Variants in STXBP5L observed in about 807,000 individuals in gnomAD.
STXBP5L encodes the protein syntaxin binding protein 5L, also known as syntaxin-binding protein 5-like.
In STXBP5L, 65 loss-of-function variants were observed where a neutral mutation model predicts 144.5. The ratio of observed to expected loss-of-function variants is 0.45; its 90% CI spans 0.37 to 0.55. The LOEUF is 0.55. STXBP5L is among the 20% of genes least tolerant of loss of function. STXBP5L has a pLI of 0.00. For synonymous variants in STXBP5L, 505 were observed against 469.6 expected (o/e 1.08, Z -0.97); for missense variants, 1,298 against 1,405.5 (o/e 0.92, Z 1.22).
intron 2 of STXBP5L, among the ~76,000 whole-genome samples, chr3:120,918,961 T>C (rs1709235473): frequency 6.6e-6 from 1 of 152,142 alleles, no homozygotes; most frequent in African/African-American, 2.4e-5. Flanking sequence ...TAGAGAACTT[T>C]TAAATGTTTT....
intron 20 of STXBP5L, among the ~76,000 whole-genome samples, chr3:121,338,401 T>A (rs2044580826): frequency 6.6e-6 from 1 of 151,796 alleles, no homozygotes; most frequent in Non-Finnish European, 1.5e-5. Flanking sequence ...CCCAGCACTT[T>A]GGGAGTCTGA....
chr3:121,211,439 C>T (rs2048561137), intron 10 of STXBP5L, among the ~76,000 whole-genome samples: 1 of 152,102 alleles, frequency 6.6e-6, no homozygotes, highest in South Asian at 2.1e-4. Context: ...TGCCTGATTG[C>T]CCTGGTCAGA....
intron 9 of STXBP5L, among the ~76,000 whole-genome samples, chr3:121,190,821 G>A (rs1181073681): frequency 6.6e-6 from 1 of 151,450 alleles, no homozygotes; most frequent in East Asian, 2.0e-4. Flanking sequence ...TCACTTCTCA[G>A]ACGGGGCGGC....
At chr3:121,309,927 G>A (rs951942140) in intron 19 of STXBP5L, among the ~76,000 whole-genome samples, 10 of 152,148 alleles carry the variant, frequency 6.6e-5, no homozygotes, top group African/African-American at 1.9e-4. Context: ...ATTTCAAGAT[G>A]TGCCTTAAAG....
chr3:121,175,821 C>A (rs2108080809), intron 9 of STXBP5L, among the ~76,000 whole-genome samples: 1 of 148,192 alleles, frequency 6.7e-6, no homozygotes, highest in Non-Finnish European at 1.5e-5. Context: ...CTACAGGAAA[C>A]AAACTTTAAA....
chr3:121,375,576 T>C (rs2046157571), intron 20 of STXBP5L, among the ~76,000 whole-genome samples: 2 of 152,306 alleles, frequency 1.3e-5, no homozygotes, highest in African/African-American at 4.8e-5. Context: ...AACACCTACA[T>C]TGCAGGATTG....
chr3:121,079,136 G>A (rs1227516504), intron 5 of STXBP5L, among the ~76,000 whole-genome samples: 2 of 152,234 alleles, frequency 1.3e-5, no homozygotes, highest in Admixed American at 1.3e-4. Context: ...CAAAAAAGGT[G>A]GAGGAAAGTT....
chr3:121,053,107 G>A (rs1948155896), intron 5 of STXBP5L, among the ~76,000 whole-genome samples: 1 of 152,094 alleles, frequency 6.6e-6, no homozygotes, highest in Non-Finnish European at 1.5e-5. Flanking sequence ...ACAAACAAAT[G>A]GAAGAACATT....
chr3:120,911,475 T>G (rs1708838651), intron 2 of STXBP5L, among the ~76,000 whole-genome samples: 1 of 152,122 alleles, frequency 6.6e-6, no homozygotes, highest in Non-Finnish European at 1.5e-5. Context: ...CCTTGAGCCT[T>G]GATTTCTGCA....
chr3:121,105,270 C>T (rs1438706741), intron 5 of STXBP5L, among the ~76,000 whole-genome samples: 6 of 151,982 alleles, frequency 3.9e-5, no homozygotes, highest in Non-Finnish European at 5.9e-5. Context: ...GTGGCGTGCT[C>T]CTGTAGTTCC....
At chr3:121,224,158 C>G (rs995288705) in intron 11 of STXBP5L, among the ~76,000 whole-genome samples, 20 of 152,066 alleles carry the variant, frequency 1.3e-4, no homozygotes, top group Admixed American at 1.0e-3. Context: ...TTGGGCAAGT[C>G]ACTTTACATT....
At chr3:121,348,664 C>T (rs549240479) in intron 20 of STXBP5L, among the ~76,000 whole-genome samples, 1 of 151,988 alleles carries the variant, frequency 6.6e-6, no homozygotes, top group Non-Finnish European at 1.5e-5. Context: ...AGAGATTCAA[C>T]TTCTTCCTGG....
intron 3 of STXBP5L, among the ~76,000 whole-genome samples, chr3:121,010,812 A>G (rs1230202126): frequency 6.6e-6 from 1 of 151,862 alleles, no homozygotes; most frequent in African/African-American, 2.4e-5. Flanking sequence ...TAGTGGAAGT[A>G]GATTGTCATA....
chr3:121,096,273 C>T (rs1426407332), intron 5 of STXBP5L, among the ~76,000 whole-genome samples: 1 of 152,176 alleles, frequency 6.6e-6, no homozygotes, highest in Non-Finnish European at 1.5e-5. Flanking sequence ...CTTCACGCTT[C>T]TTAGCTTGCT....
chr3:121,209,709 T>A (rs905221287), intron 10 of STXBP5L, among the ~76,000 whole-genome samples: 34 of 152,198 alleles, frequency 2.2e-4, no homozygotes, highest in African/African-American at 7.7e-4. Context: ...TGTGATAGTT[T>A]GCTGAGAATG....
intron 3 of STXBP5L, among the ~76,000 whole-genome samples, chr3:121,023,519 A>T (rs1046683705): frequency 2.8e-4 from 42 of 152,238 alleles, no homozygotes; most frequent in African/African-American, 9.6e-4. Context: ...GGTTACCAAA[A>T]CAGTGGTATT....
chr3:121,037,168 A>G (rs1946818210), intron 3 of STXBP5L, among the ~76,000 whole-genome samples: 2 of 151,540 alleles, frequency 1.3e-5, no homozygotes, highest in South Asian at 4.2e-4. Flanking sequence ...CCTGGCTTCA[A>G]GCAATCATTC....
chr3:121,358,123 A>T (rs377006001), intron 20 of STXBP5L, among the ~76,000 whole-genome samples: 2 of 152,182 alleles, frequency 1.3e-5, no homozygotes, highest in Admixed American at 6.5e-5. Context: ...CAAACAGTCC[A>T]ATTACATTCT....
chr3:121,086,024 C>T (rs1453418829), intron 5 of STXBP5L, among the ~76,000 whole-genome samples: 1 of 152,100 alleles, frequency 6.6e-6, no homozygotes, highest in African/African-American at 2.4e-5. Context: ...CACACATCTA[C>T]ATCTGATCTT....
Sources: gnomAD v4.1 joint callset for allele counts (sites outside exome capture counted in the v4.1 genomes callset) on GRCh38, gnomAD v4.1.1 for gene constraint, MANE v1.5 for transcripts, NCBI Gene and HGNC (gene_info 2026-07-23, HGNC 2026-07-21) for gene names.